SLC8A1: variants seen among roughly 807,000 people sequenced by gnomAD.
The protein encoded by SLC8A1 is solute carrier family 8 member A1.
Under a neutral mutation model 68.3 loss-of-function variants are expected in SLC8A1, and 18 were observed. That is an observed-to-expected ratio of 0.26 (90% CI 0.18 to 0.39). The LOEUF is 0.39. Among genes scored for constraint, SLC8A1 ranks in the 10% least tolerant of loss-of-function variants. SLC8A1 has a pLI of 1.00. For synonymous variants in SLC8A1, 475 were observed against 415.5 expected, an observed-to-expected ratio of 1.14 and a Z score of -1.74; for missense variants, 985 against 1,156.7, an observed-to-expected ratio of 0.85 and a Z score of 2.15.
chr2:40,128,416 C>G (rs572854545), intron 7 of SLC8A1, among the ~76,000 whole-genome samples: 3 of 152,328 alleles, frequency 2.0e-5, no homozygotes, highest in South Asian at 2.1e-4. Context: ...TCTCTGTACT[C>G]TCTTCCTAAT....
At chr2:40,476,158 C>T (rs17026064) in intron 1 of SLC8A1, among the ~76,000 whole-genome samples, 5,414 of 152,212 alleles carry the variant, frequency 0.036, 243 homozygotes, top group East Asian at 0.24. Flanking sequence ...AGAACTGTGA[C>T]TCTTTTCTAT....
At chr2:40,199,592 G>T (rs534543928) in intron 2 of SLC8A1, among the ~76,000 whole-genome samples, 2 of 151,634 alleles carry the variant, frequency 1.3e-5, no homozygotes, top group Admixed American at 6.6e-5. Context: ...ATCCCTCTTT[G>T]TATGTGTAGG....
chr2:40,367,541 A>G (rs902112710), intron 2 of SLC8A1, among the ~76,000 whole-genome samples: 3 of 151,962 alleles, frequency 2.0e-5, no homozygotes, highest in African/African-American at 7.2e-5. Context: ...ACTATACAGT[A>G]AGTATTTTCC....
chr2:40,200,513 T>G (rs1035699645), intron 2 of SLC8A1, among the ~76,000 whole-genome samples: 1 of 150,986 alleles, frequency 6.6e-6, no homozygotes, highest in African/African-American at 2.4e-5. Context: ...AGAATCCATA[T>G]GGGCTCAGCA....
intron 1 of SLC8A1, among the ~76,000 whole-genome samples, chr2:40,500,120 A>G (rs1705962693): frequency 6.6e-6 from 1 of 152,002 alleles, no homozygotes; most frequent in Non-Finnish European, 1.5e-5. Context: ...TTATTGGCCA[A>G]CTTTTTAAAA....
chr2:40,430,755 A>T (rs1698101319), intron 1 of SLC8A1, among the ~76,000 whole-genome samples: 1 of 152,138 alleles, frequency 6.6e-6, no homozygotes, highest in Non-Finnish European at 1.5e-5. Flanking sequence ...ATCTTCCAAA[A>T]ACGGTTTCAA....
At chr2:40,133,440 G>T (rs541567819) in intron 7 of SLC8A1, among the ~76,000 whole-genome samples, 1 of 151,332 alleles carries the variant, frequency 6.6e-6, no homozygotes, top group South Asian at 2.1e-4. Flanking sequence ...TTCTCCTTCA[G>T]CCTTAAAATC....
chr2:40,191,892 A>C (rs2051933024), intron 2 of SLC8A1, among the ~76,000 whole-genome samples: 1 of 152,144 alleles, frequency 6.6e-6, no homozygotes, highest in African/African-American at 2.4e-5. Context: ...GATTTTTATT[A>C]GTTTGTAAAT....
chr2:40,427,106 C>T (rs571123643), intron 2 of SLC8A1, among the ~76,000 whole-genome samples: 1 of 152,158 alleles, frequency 6.6e-6, no homozygotes, highest in Non-Finnish European at 1.5e-5. Context: ...ACTTTGCTCC[C>T]TACAAACATC....
At chr2:40,208,550 T>C (rs1435826734) in intron 2 of SLC8A1, 4 of 152,108 alleles carry the variant, frequency 2.6e-5, no homozygotes, top group Non-Finnish European at 5.9e-5. Context: ...GAACTCCCTT[T>C]TTTCTAGGCA....
exon 2 of SLC8A1, chr2:40,430,292 C>A (rs191141159): frequency 6.3e-7 from 1 of 1,590,644 alleles, no homozygotes; most frequent in Non-Finnish European, 8.6e-7. Context: ...ACACTTCCAA[C>A]TGTCACAACC....
intron 2 of SLC8A1, among the ~76,000 whole-genome samples, chr2:40,315,058 C>T (rs920764462): frequency 2.6e-5 from 4 of 151,952 alleles, no homozygotes; most frequent in Non-Finnish European, 4.4e-5. Context: ...GACATCCTTG[C>T]TTTATTCCCA....
intron 2 of SLC8A1, among the ~76,000 whole-genome samples, chr2:40,200,191 T>TA (rs1491467280): frequency 2.0e-3 from 20 of 9,830 alleles, no homozygotes; most frequent in African/African-American, 3.3e-3. Context: ...TATATATATA[T>TA]TTATATATAT....
chr2:40,205,816 G>GA (rs199504864), intron 2 of SLC8A1, among the ~76,000 whole-genome samples: 74,761 of 128,702 alleles, frequency 0.58, 22,890 homozygotes, highest in South Asian at 0.82. Flanking sequence ...AAAATATCTT[G>GA]AAAAAAAAAA....
intron 1 of SLC8A1, among the ~76,000 whole-genome samples, chr2:40,500,127 A>T (rs925760742): frequency 6.6e-6 from 1 of 152,086 alleles, no homozygotes; most frequent in African/African-American, 2.4e-5. Context: ...CCAACTTTTT[A>T]AAAAACAAAC....
chr2:40,260,498 A>G (rs2064549156), intron 2 of SLC8A1, among the ~76,000 whole-genome samples: 1 of 152,184 alleles, frequency 6.6e-6, no homozygotes, highest in Non-Finnish European at 1.5e-5. Context: ...AACGTCTAAA[A>G]TAAGTGAACT....
At chr2:40,393,064 C>G (rs1156525595) in intron 2 of SLC8A1, among the ~76,000 whole-genome samples, 3 of 151,992 alleles carry the variant, frequency 2.0e-5, no homozygotes, top group African/African-American at 7.2e-5. Context: ...TCATCTTTAG[C>G]TGAACTATAT....
chr2:40,357,229 T>C (rs1324035855), intron 2 of SLC8A1, among the ~76,000 whole-genome samples: 1 of 152,156 alleles, frequency 6.6e-6, no homozygotes, highest in East Asian at 1.9e-4. Flanking sequence ...AGCTGGCTCG[T>C]ACCTCTAATC....
At chr2:40,429,362 C>T in exon 2 of SLC8A1, 1 of 1,613,894 alleles carries the variant, frequency 6.2e-7, no homozygotes, top group Non-Finnish European at 8.5e-7. Context: ...AGAACCAGAG[C>T]ACCATCTAAG....
Sources: gnomAD v4.1 joint callset for allele counts (sites outside exome capture counted in the v4.1 genomes callset) on GRCh38, gnomAD v4.1.1 for gene constraint, MANE v1.5 for transcripts, NCBI Gene and HGNC (gene_info 2026-07-23, HGNC 2026-07-21) for gene names.